Variants in BICRAL observed in about 807,000 individuals in gnomAD.
BICRAL encodes BICRA like chromatin remodeling complex associated protein, also known as BRD4-interacting chromatin-remodeling complex-associated protein-like.
Under a neutral mutation model 91.8 loss-of-function variants are expected in BICRAL, and 8 were observed. The ratio of observed to expected loss-of-function variants is 0.09; its 90% CI spans 0.05 to 0.16. The LOEUF is 0.16. Among genes scored for constraint, BICRAL ranks in the 10% least tolerant of loss-of-function variants. The pLI, the probability that BICRAL is intolerant of heterozygous loss-of-function variation, is 1.00. For missense variants in BICRAL, 1,038 were observed against 1,310.9 expected (o/e 0.79, Z 3.21); for synonymous variants, 445 against 491.1 (o/e 0.91, Z 1.24).
In BICRAL at chr6:42,829,599, G is replaced by A. The variant is rs539602258; in HGVS notation, c.1266G>A (p.Gly422=). ...NSVHHVQTIN[G]QLLQTQPSQL... ...TACACCACGTCCAGACTATAAATGGGCAACTTCTTCAAACTCAACCCTCTC... is the reference window on the plus strand; with the variant it reads ...TACACCACGTCCAGACTATAAATGGACAACTTCTTCAAACTCAACCCTCTC... The change falls in exon 6 of 13, where the codon GGG becomes GGA. Residue 422 remains glycine (G), a synonymous_variant. Transcript: ENST00000314073. 1.4e-4 allele frequency: 229 copies of A among 1,614,160 alleles called. 3 individuals carry two copies. The South Asian group carries it at 2.1e-3, about 15-fold the overall frequency.
chr6:42,750,164 C>G (rs1345278621), intron 1 of BICRAL, among the ~76,000 whole-genome samples: 1 of 150,486 alleles, frequency 6.6e-6, no homozygotes, highest in East Asian at 1.9e-4. Flanking sequence ...TGCCTGGGCC[C>G]TTTTTTTTTA....
intron 6 of BICRAL, among the ~76,000 whole-genome samples, chr6:42,844,609 C>T (rs1231768269): frequency 7.4e-6 from 1 of 134,328 alleles, no homozygotes; most frequent in Non-Finnish European, 1.6e-5. Flanking sequence ...AAGGAGTGGG[C>T]GTTCTGATAG....
chr6:42,782,552 T>C (rs1762946254), intron 1 of BICRAL, among the ~76,000 whole-genome samples: 1 of 149,688 alleles, frequency 6.7e-6, no homozygotes, highest in Non-Finnish European at 1.5e-5. Flanking sequence ...GCCCGGCGCC[T>C]TTCTTTTTCC....
chr6:42,831,232 T>G (rs1764467006), intron 6 of BICRAL, among the ~76,000 whole-genome samples: 1 of 152,192 alleles, frequency 6.6e-6, no homozygotes, highest in African/African-American at 2.4e-5. Flanking sequence ...TGTATTTACA[T>G]TGTATAGCAG....
chr6:42,785,211 C>T (rs780645613), intron 1 of BICRAL, among the ~76,000 whole-genome samples: 1 of 151,938 alleles, frequency 6.6e-6, no homozygotes, highest in Non-Finnish European at 1.5e-5. Context: ...ATACAACATA[C>T]AGGCTTCTAG....
Position 42,865,135 on chromosome 6 carries a change from C to T in BICRAL, c.2929C>T (p.Leu977=), listed in dbSNP as rs1286541414. ...TCNNSFQDKS[L]RNSPKNEVLH... Reference sequence around the variant, plus strand: ...TAACAATTCCTTCCAGGACAAAAGTCTGAGGAATTCTCCAAAGAATGAAGT... The same window carrying T: ...TAACAATTCCTTCCAGGACAAAAGTTTGAGGAATTCTCCAAAGAATGAAGT... Residue 977 remains leucine, a synonymous_variant, in exon 13 of 13, where the codon CTG becomes TTG. Transcript: ENST00000314073. 6.2e-7 allele frequency: 1 copy of T among 1,614,062 alleles called. No homozygotes were observed. The highest frequency in any genetic ancestry group is 8.5e-7 in the Non-Finnish European group (1 of 1,179,974).
chr6:42,755,078 G>A (rs1240859380), intron 1 of BICRAL, among the ~76,000 whole-genome samples: 3 of 152,228 alleles, frequency 2.0e-5, no homozygotes, highest in African/African-American at 7.2e-5. Context: ...GAGGTCTCAT[G>A]CTGAGTATGA....
intron 2 of BICRAL, among the ~76,000 whole-genome samples, chr6:42,810,675 T>G (rs765315930): frequency 5.5e-4 from 83 of 152,244 alleles, no homozygotes; most frequent in Non-Finnish European, 1.1e-3. Context: ...CAGCCTTGCT[T>G]CTTCTGTTCT....
At chr6:42,791,184 A>G (rs1763262871) in intron 1 of BICRAL, among the ~76,000 whole-genome samples, 1 of 150,730 alleles carries the variant, frequency 6.6e-6, no homozygotes, top group Admixed American at 6.6e-5. Flanking sequence ...ATGTACTCCC[A>G]CTCAGGAAAA....
chr6:42,832,998 G>A (rs944641117), intron 6 of BICRAL, among the ~76,000 whole-genome samples: 1 of 151,730 alleles, frequency 6.6e-6, no homozygotes, highest in African/African-American at 2.4e-5. Context: ...TTTTGGTTTT[G>A]GTGTTTTGGT....
At chr6:42,857,830 G>A (rs1378024005) in intron 10 of BICRAL, among the ~76,000 whole-genome samples, 1 of 84,704 alleles carries the variant, frequency 1.2e-5, no homozygotes, top group Admixed American at 1.4e-4. Context: ...TTTTTTTTGA[G>A]ATGGAGTCTC....
Position 42,828,864 on chromosome 6 carries a change from T to C in BICRAL, c.531T>C (p.Phe177=), listed in dbSNP as rs374360776. ...GVTHVPVGAS[F]ASNTVGVQHG... ...CGCATGTGCCTGTTGGAGCATCGTT[T>C]GCAAGCAATACAGTGGGTGTACAAC... is the stretch of plus-strand genomic sequence containing the variant. Residue 177 remains phenylalanine (F), a synonymous_variant, in exon 6 of 13, where the codon TTT becomes TTC. Coordinates refer to ENST00000314073, the MANE Select transcript of BICRAL (RefSeq NM_001393499.1). The C allele has an allele frequency of 1.5e-5, 24 of 1,614,210 alleles. No individual in the cohort carries two copies. Among genetic ancestry groups the C allele is most frequent in the Middle Eastern group, 3.3e-4 (2 of 6,062 alleles).
intron 6 of BICRAL, among the ~76,000 whole-genome samples, chr6:42,836,296 A>AG (rs1376695545): frequency 2.6e-5 from 4 of 152,048 alleles, no homozygotes; most frequent in African/African-American, 9.7e-5. Flanking sequence ...CTTCAAAGGG[A>AG]GGGGGGAGAA....
intron 6 of BICRAL, among the ~76,000 whole-genome samples, chr6:42,849,211 C>T (rs1378145468): frequency 6.6e-6 from 1 of 152,112 alleles, no homozygotes; most frequent in Non-Finnish European, 1.5e-5. Context: ...ATCAGCACCG[C>T]CAAGTAGCTG....
At chr6:42,759,330 T>C (rs1277405579) in intron 1 of BICRAL, among the ~76,000 whole-genome samples, 15 of 152,248 alleles carry the variant, frequency 9.9e-5, no homozygotes, top group Admixed American at 7.9e-4. Flanking sequence ...ACATTATTTT[T>C]CCTTTTTTCC....
chr6:42,796,890 A>G (rs1007163880), intron 1 of BICRAL, among the ~76,000 whole-genome samples: 8 of 152,042 alleles, frequency 5.3e-5, no homozygotes, highest in Non-Finnish European at 1.2e-4. Context: ...TACTAAAAGC[A>G]CAAAATTAGC....
At chr6:42,782,694 T>C (rs1220392532) in intron 1 of BICRAL, among the ~76,000 whole-genome samples, 4 of 149,102 alleles carry the variant, frequency 2.7e-5, no homozygotes, top group African/African-American at 1.0e-4. Context: ...ATTGAGCCGG[T>C]TTAAAATTAG....
At chr6:42,774,947 T>A (rs1762788607) in intron 1 of BICRAL, among the ~76,000 whole-genome samples, 2 of 152,126 alleles carry the variant, frequency 1.3e-5, no homozygotes, top group African/African-American at 4.8e-5. Context: ...CCTTTTTTTT[T>A]TTGAGACAGA....
chr6:42,856,002 T>C, intron 9 of BICRAL, 85 bp downstream of exon 9: 1 of 1,086,414 alleles, frequency 9.2e-7, no homozygotes, highest in Non-Finnish European at 1.4e-6. Context: ...AGAAAACAGG[T>C]TATAATAATG....
Sources: gnomAD v4.1 joint callset for allele counts (sites outside exome capture counted in the v4.1 genomes callset) on GRCh38, gnomAD v4.1.1 for gene constraint, MANE v1.5 for transcripts, NCBI Gene and HGNC (gene_info 2026-07-23, HGNC 2026-07-21) for gene names.